KLF12: variants seen among roughly 807,000 people sequenced by gnomAD.
KLF12 encodes the protein Krueppel-like factor 12.
KLF12 carries 9 observed loss-of-function variants against 37.8 expected under a neutral mutation model. The observed-to-expected ratio is 0.24, with a 90% CI of 0.14 to 0.42. KLF12 has a LOEUF of 0.42. Among genes scored for constraint, KLF12 ranks in the 10% least tolerant of loss-of-function variants. The pLI is 1.00. For missense variants in KLF12, 411 were observed against 516.0 expected (o/e 0.80, Z 1.97); for synonymous variants, 208 against 202.1 (o/e 1.03, Z -0.25).
chr13:73,731,483 A>G (rs567971041), intron 6 of KLF12, among the ~76,000 whole-genome samples: 11 of 134,854 alleles, frequency 8.2e-5, no homozygotes, highest in African/African-American at 2.5e-4. Flanking sequence ...ATTTCATTAA[A>G]TGTTGTCCAA....
the KLF12 span, among the ~76,000 whole-genome samples, chr13:74,186,086 C>T: frequency 1.3e-5 from 2 of 151,988 alleles, no homozygotes; most frequent in African/African-American, 4.8e-5. Flanking sequence ...CAGATGATAA[C>T]GTATTCTTTA....
chr13:74,233,972 A>G, the KLF12 span, among the ~76,000 whole-genome samples: 1 of 152,216 alleles, frequency 6.6e-6, no homozygotes, highest in Non-Finnish European at 1.5e-5. Context: ...CTACCAAAAT[A>G]TCTACAAGTT....
intron 2 of KLF12, among the ~76,000 whole-genome samples, chr13:73,988,001 C>A (rs1033790107): frequency 1.3e-5 from 2 of 152,122 alleles, no homozygotes; most frequent in African/African-American, 2.4e-5. Flanking sequence ...CAAATACTGT[C>A]TAAATAAAGA....
chr13:74,167,584 A>G, the KLF12 span, among the ~76,000 whole-genome samples: 6 of 152,254 alleles, frequency 3.9e-5, no homozygotes, highest in Admixed American at 3.9e-4. Flanking sequence ...TATTTCAAAC[A>G]TTAAGCCCGT....
the KLF12 span, among the ~76,000 whole-genome samples, chr13:74,305,993 T>C: frequency 6.6e-6 from 1 of 152,068 alleles, no homozygotes; most frequent in African/African-American, 2.4e-5. Flanking sequence ...TCCAAAAACT[T>C]ACCTAGCTCT....
At chr13:73,855,947 C>A (rs1343633487) in intron 3 of KLF12, among the ~76,000 whole-genome samples, 1 of 152,210 alleles carries the variant, frequency 6.6e-6, no homozygotes, top group East Asian at 1.9e-4. Context: ...AAGGAGTATA[C>A]AGTCATACAG....
intron 1 of KLF12, among the ~76,000 whole-genome samples, chr13:74,081,851 T>C (rs909082345): frequency 2.6e-5 from 4 of 152,122 alleles, no homozygotes; most frequent in Non-Finnish European, 5.9e-5. Flanking sequence ...TTCAACTACG[T>C]AGACAACTAT....
chr13:74,224,897 G>A, the KLF12 span, among the ~76,000 whole-genome samples: 1 of 152,152 alleles, frequency 6.6e-6, no homozygotes, highest in Non-Finnish European at 1.5e-5. Context: ...ACTTGCTCAA[G>A]TGAAAGGGAA....
At chr13:73,900,723 C>T (rs1040623445) in intron 3 of KLF12, among the ~76,000 whole-genome samples, 2 of 152,060 alleles carry the variant, frequency 1.3e-5, no homozygotes, top group Non-Finnish European at 2.9e-5. Flanking sequence ...ATTCATTCTG[C>T]TGCCAAAATT....
At chr13:74,103,242 T>G (rs543229759) in intron 1 of KLF12, among the ~76,000 whole-genome samples, 34 of 152,370 alleles carry the variant, frequency 2.2e-4, no homozygotes, top group African/African-American at 5.8e-4. Flanking sequence ...TGTAGGACAC[T>G]TTACAATTTC....
the KLF12 span, among the ~76,000 whole-genome samples, chr13:74,243,781 T>C: frequency 6.6e-6 from 1 of 152,178 alleles, no homozygotes; most frequent in Admixed American, 6.5e-5. Flanking sequence ...TTGTCCTGGG[T>C]TTTGAAATGC....
At chr13:74,059,036 A>G (rs1233954742) in intron 1 of KLF12, among the ~76,000 whole-genome samples, 2 of 152,190 alleles carry the variant, frequency 1.3e-5, no homozygotes, top group African/African-American at 4.8e-5. Context: ...AAGAACATGC[A>G]GTATTTTATT....
chr13:74,092,231 A>T (rs1291626890), intron 1 of KLF12, among the ~76,000 whole-genome samples: 2 of 149,242 alleles, frequency 1.3e-5, no homozygotes, highest in Non-Finnish European at 3.0e-5. Context: ...CGGGAGGTGG[A>T]GCTTGCAGTG....
chr13:73,911,357 T>C (rs1185956982), intron 3 of KLF12, among the ~76,000 whole-genome samples: 2 of 152,204 alleles, frequency 1.3e-5, no homozygotes, highest in African/African-American at 4.8e-5. Context: ...TTAAAAAGTT[T>C]CATTAGGAAG....
intron 1 of KLF12, among the ~76,000 whole-genome samples, chr13:74,092,386 G>C (rs1875723706): frequency 6.6e-6 from 1 of 151,774 alleles, no homozygotes; most frequent in Admixed American, 6.6e-5. Flanking sequence ...CATTTTGGGA[G>C]GCCAAGGCGG....
chr13:74,291,654 A>C, the KLF12 span, among the ~76,000 whole-genome samples: 1 of 152,192 alleles, frequency 6.6e-6, no homozygotes, highest in Non-Finnish European at 1.5e-5. Flanking sequence ...AAGACTAGAA[A>C]GTGTTCATGT....
chr13:73,971,771 T>A (rs1363409029), intron 2 of KLF12, among the ~76,000 whole-genome samples: 1 of 152,188 alleles, frequency 6.6e-6, no homozygotes, highest in Non-Finnish European at 1.5e-5. Flanking sequence ...GGCTCCTGAC[T>A]GTAATACTAC....
In KLF12 at chr13:74,004,577, A is replaced by G. The variant is rs139214333; in HGVS notation, c.-31-9524T>C. Among the ~76,000 whole-genome samples the G allele has an allele frequency of 4.2e-3, 643 of 152,290 alleles. 2 individuals are homozygous for G. Among genetic ancestry groups the G allele is most frequent in the African/African-American group, 0.015 (608 of 41,558 alleles). ...ACAACAGTGTGGTATCTTTTTTTGT[A>G]GAAAATATGCAGAAAGCCAACAGCA... On this transcript the variant is annotated intron_variant, in intron 1 of 7. Coordinates refer to ENST00000377669, the MANE Select transcript of KLF12 (RefSeq NM_007249.5).
chr13:74,148,752 G>GTT, the KLF12 span, among the ~76,000 whole-genome samples: 2 of 151,806 alleles, frequency 1.3e-5, no homozygotes, highest in Admixed American at 1.3e-4. Context: ...TTTTTGTTTT[G>GTT]TTTTGTTTTG....
Sources: gnomAD v4.1 joint callset for allele counts (sites outside exome capture counted in the v4.1 genomes callset) on GRCh38, gnomAD v4.1.1 for gene constraint, MANE v1.5 for transcripts, NCBI Gene and HGNC (gene_info 2026-07-23, HGNC 2026-07-21) for gene names.